Variants in CPEB1 observed in about 807,000 individuals in gnomAD.
CPEB1 encodes cytoplasmic polyadenylation element-binding protein 1.
In CPEB1, 7 loss-of-function variants were observed where a neutral mutation model predicts 65.8. The ratio of observed to expected loss-of-function variants is 0.11; its 90% CI spans 0.06 to 0.20. CPEB1 has a LOEUF of 0.20. Ranked by LOEUF, CPEB1 falls within the 10% of genes least tolerant of loss-of-function variation. The pLI, the probability that CPEB1 is intolerant of heterozygous loss-of-function variation, is 1.00. For synonymous variants in CPEB1, 262 were observed against 260.0 expected, an observed-to-expected ratio of 1.01 and a Z score of -0.08; for missense variants, 551 against 712.2, an observed-to-expected ratio of 0.77 and a Z score of 2.58.
At chr15:82,629,329 T>C (rs995075190) in intron 1 of CPEB1, 7 of 984,764 alleles carry the variant, frequency 7.1e-6, no homozygotes, top group Non-Finnish European at 8.4e-6. Context: ...GTACCAACAG[T>C]GGTAAAACCA....
chr15:82,568,430 C>G (rs1335542449), intron 4 of CPEB1, among the ~76,000 whole-genome samples: 1 of 152,112 alleles, frequency 6.6e-6, no homozygotes, highest in Non-Finnish European at 1.5e-5. Flanking sequence ...CTCATCTTGC[C>G]CCCAAAGTCT....
chr15:82,625,247 G>A (rs1338947155), intron 3 of CPEB1, among the ~76,000 whole-genome samples: 3 of 152,262 alleles, frequency 2.0e-5, no homozygotes, highest in Non-Finnish European at 4.4e-5. Flanking sequence ...AATTGGGCTA[G>A]CTCATGACTT....
intron 5 of CPEB1, chr15:82,556,422 T>C (rs760392793): frequency 1.6e-4 from 37 of 225,526 alleles, no homozygotes; most frequent in Admixed American, 6.6e-4. Context: ...TCCTGTTATA[T>C]ATATACTTTC....
chr15:82,638,861 T>C (rs1260800504), intron 1 of CPEB1, among the ~76,000 whole-genome samples: 1 of 152,232 alleles, frequency 6.6e-6, no homozygotes, highest in African/African-American at 2.4e-5. Flanking sequence ...CTGGCTTTTC[T>C]GGGAATGTGT....
intron 3 of CPEB1, among the ~76,000 whole-genome samples, chr15:82,610,262 G>A (rs1032244605): frequency 2.0e-5 from 3 of 152,074 alleles, no homozygotes; most frequent in African/African-American, 7.2e-5. Context: ...AGCTTCGCTG[G>A]TGAATTCTAC....
At chr15:82,565,503 T>C (rs186316720) in intron 4 of CPEB1, among the ~76,000 whole-genome samples, 3 of 152,284 alleles carry the variant, frequency 2.0e-5, no homozygotes, top group East Asian at 1.9e-4. Flanking sequence ...GCCACGAGCA[T>C]ACCTAACTGG....
At chr15:82,578,515 G>A (rs1355895438) in intron 3 of CPEB1, among the ~76,000 whole-genome samples, 1 of 152,164 alleles carries the variant, frequency 6.6e-6, no homozygotes, top group African/African-American at 2.4e-5. Flanking sequence ...TGTAATCCCA[G>A]CACTTTGGGA....
chr15:82,572,785 A>G (rs374653504), intron 3 of CPEB1, among the ~76,000 whole-genome samples: 84 of 152,348 alleles, frequency 5.5e-4, no homozygotes, highest in African/African-American at 2.0e-3. Context: ...TCTAACATCC[A>G]GGCCCTCTCT....
At chr15:82,632,847 C>T (rs1368030188) in intron 1 of CPEB1, among the ~76,000 whole-genome samples, 1 of 151,982 alleles carries the variant, frequency 6.6e-6, no homozygotes, top group African/African-American at 2.4e-5. Context: ...TCCTTTTAAA[C>T]CGTCCAGTTA....
chr15:82,629,435 G>GA, intron 1 of CPEB1: 4 of 981,692 alleles, frequency 4.1e-6, no homozygotes, highest in Non-Finnish European at 4.8e-6. Flanking sequence ...ATTACCGAAT[G>GA]AAAAAAGAAC....
At chr15:82,620,523 T>C (rs1567227437) in intron 3 of CPEB1, among the ~76,000 whole-genome samples, 1 of 151,918 alleles carries the variant, frequency 6.6e-6, no homozygotes, top group South Asian at 2.1e-4. Context: ...ATGAACTGGG[T>C]GTGGTGGCTC....
chr15:82,630,871 G>C (rs764915259), intron 1 of CPEB1, among the ~76,000 whole-genome samples: 2 of 152,118 alleles, frequency 1.3e-5, no homozygotes, highest in Non-Finnish European at 1.5e-5. Flanking sequence ...AGTCAGCATT[G>C]TCTTTCAATA....
At chr15:82,646,234 C>T (rs766434057) in intron 1 of CPEB1, among the ~76,000 whole-genome samples, 1 of 152,200 alleles carries the variant, frequency 6.6e-6, no homozygotes, top group Non-Finnish European at 1.5e-5. Context: ...AGCAAGGGAC[C>T]GCACCGTCAC....
chr15:82,564,966 G>A (rs919340209), intron 4 of CPEB1, among the ~76,000 whole-genome samples: 2 of 152,048 alleles, frequency 1.3e-5, no homozygotes, highest in Non-Finnish European at 2.9e-5. Context: ...GCTCAGAAAG[G>A]GGCAATGCCA....
chr15:82,646,795 G>A (rs1035616458), intron 1 of CPEB1, among the ~76,000 whole-genome samples: 4 of 152,132 alleles, frequency 2.6e-5, no homozygotes, highest in Non-Finnish European at 5.9e-5. Context: ...GGGGAATGAC[G>A]CCGGGTGGGA....
chr15:82,629,525 C>T, intron 1 of CPEB1: 5 of 985,322 alleles, frequency 5.1e-6, no homozygotes, highest in Non-Finnish European at 6.0e-6. Flanking sequence ...GTAAATAACA[C>T]CACCATCCAC....
At chr15:82,556,608 C>T (rs902184481) in intron 5 of CPEB1, 1 of 152,408 alleles carries the variant, frequency 6.6e-6, no homozygotes, top group African/African-American at 2.4e-5. Flanking sequence ...TTCTAATTTA[C>T]GTGTGTGAAA....
At chr15:82,594,559 A>G (rs78863938) in intron 3 of CPEB1, among the ~76,000 whole-genome samples, 208 of 152,304 alleles carry the variant, frequency 1.4e-3, no homozygotes, top group African/African-American at 4.7e-3. Flanking sequence ...AAACTTTCCC[A>G]TATCAGCAAA....
chr15:82,647,607 C>A (rs1038469105), upstream of CPEB1: 3 of 328,762 alleles, frequency 9.1e-6, no homozygotes, highest in Non-Finnish European at 1.6e-5. Context: ...GCCCCACCGG[C>A]CGCCCCCGCA....
Sources: gnomAD v4.1 joint callset for allele counts (sites outside exome capture counted in the v4.1 genomes callset) on GRCh38, gnomAD v4.1.1 for gene constraint, MANE v1.5 for transcripts, NCBI Gene and HGNC (gene_info 2026-07-23, HGNC 2026-07-21) for gene names.